Variants in MOK observed in about 807,000 individuals in gnomAD.
MOK encodes the protein MAPK/MAK/MRK overlapping kinase.
A neutral mutation model predicts 54.2 loss-of-function variants in MOK; 59 were observed. That is an observed-to-expected ratio of 1.09 (90% CI 0.88 to 1.35). The LOEUF (loss-of-function observed/expected upper bound fraction) is 1.35. MOK is among the 40% of genes most tolerant of loss of function. The pLI, the probability that MOK is intolerant of heterozygous loss-of-function variation, is 0.00. For synonymous variants in MOK, 210 were observed against 202.7 expected (o/e 1.04, Z -0.31); for missense variants, 517 against 526.2 (o/e 0.98, Z 0.17).
chr14:102,271,764 G>A (rs2068387735), intron 2 of MOK, among the ~76,000 whole-genome samples: 1 of 152,130 alleles, frequency 6.6e-6, no homozygotes, highest in Admixed American at 6.5e-5. Flanking sequence ...TTGCCATGTT[G>A]GCCAGGCTAA....
chr14:102,219,920 G>C (rs2063695797), downstream of MOK, among the ~76,000 whole-genome samples: 3 of 152,242 alleles, frequency 2.0e-5, no homozygotes. Flanking sequence ...GAGTGGGACA[G>C]TGGAGGGCAT....
At chr14:102,299,769 A>C (rs1299352100) in intron 1 of MOK, among the ~76,000 whole-genome samples, 1 of 152,060 alleles carries the variant, frequency 6.6e-6, no homozygotes, top group Non-Finnish European at 1.5e-5. Context: ...AATTTAGTAG[A>C]GACAGAGTCT....
intron 1 of MOK, among the ~76,000 whole-genome samples, chr14:102,292,158 A>G (rs1339337370): frequency 1.3e-5 from 2 of 152,048 alleles, no homozygotes; most frequent in Non-Finnish European, 2.9e-5. Context: ...ATTTTTGTTT[A>G]GAAAATATCA....
intron 1 of MOK, among the ~76,000 whole-genome samples, chr14:102,283,914 G>A (rs1221417532): frequency 6.6e-6 from 1 of 152,170 alleles, no homozygotes; most frequent in African/African-American, 2.4e-5. Context: ...GCAGGGGTGG[G>A]CATGGGCATG....
intron 7 of MOK, among the ~76,000 whole-genome samples, chr14:102,244,863 C>T (rs906837957): frequency 6.6e-5 from 10 of 152,030 alleles, no homozygotes; most frequent in Non-Finnish European, 1.2e-4. Flanking sequence ...ACCTTCATAC[C>T]GCTTACCATC....
At chr14:102,216,206 T>C in the MOK span, among the ~76,000 whole-genome samples, 1 of 152,176 alleles carries the variant, frequency 6.6e-6, no homozygotes, top group African/African-American at 2.4e-5. Flanking sequence ...GTCTGGGCTG[T>C]CAAAGCGGAG....
At chr14:102,214,721 C>G in the MOK span, 1 of 981,098 alleles carries the variant, frequency 1.0e-6, no homozygotes, top group Non-Finnish European at 1.2e-6. Flanking sequence ...ATATTTTCAT[C>G]CAATTTCTTG....
At chr14:102,264,210 C>CAAAAAAAAAAAA (rs66463478) in intron 3 of MOK, 3 of 88,662 alleles carry the variant, frequency 3.4e-5, no homozygotes, top group South Asian at 3.8e-4. Flanking sequence ...GACCCTGTCT[C>CAAAAAAAAAAAA]AAAAAAAAAA....
chr14:102,218,786 G>T, the MOK span, among the ~76,000 whole-genome samples: 2 of 152,234 alleles, frequency 1.3e-5, no homozygotes, highest in Admixed American at 6.5e-5. Flanking sequence ...ACGCCGTGCA[G>T]ATTCTGCCTG....
At chr14:102,274,255 ATTTTT>A (rs11299524) in intron 2 of MOK, among the ~76,000 whole-genome samples, 1 of 119,794 alleles carries the variant, frequency 8.3e-6, no homozygotes, top group Non-Finnish European at 1.8e-5. Context: ...CCGTACCTGC[ATTTTT>A]TTTTTTTTTT....
chr14:102,275,437 G>A (rs541311676), intron 2 of MOK, among the ~76,000 whole-genome samples: 14 of 152,056 alleles, frequency 9.2e-5, no homozygotes, highest in South Asian at 4.1e-4. Context: ...GGTGGTGGGC[G>A]CCTGCGGTCC....
Position 102,249,670 on chromosome 14 carries a change from T to C in MOK, c.590+1142A>G, listed in dbSNP as rs1211746911. 1.3e-5 allele frequency among the ~76,000 whole-genome samples: 2 copies of C among 152,172 alleles called. No homozygotes were observed. Among genetic ancestry groups the C allele is most frequent in the Non-Finnish European group, 2.9e-5 (2 of 68,008 alleles). On this transcript the variant is annotated intron_variant, in intron 7 of 11. Transcript: ENST00000361847. The surrounding 1 kb of genome is among the most constrained non-coding windows in gnomAD (Gnocchi z 5.3). Reference sequence around the variant, plus strand: ...GCTGCGGTGAGCCAAGATCGCACCATTGCACTCCAGCCTAGGCAACAAGAG... The same window carrying C: ...GCTGCGGTGAGCCAAGATCGCACCACTGCACTCCAGCCTAGGCAACAAGAG...
At chr14:102,253,311 G>A (rs745409664) in intron 4 of MOK, among the ~76,000 whole-genome samples, 5 of 152,220 alleles carry the variant, frequency 3.3e-5, no homozygotes, top group Non-Finnish European at 7.3e-5. Context: ...CATTCAGAGC[G>A]CATGTGCTAT....
At chr14:102,220,719 C>CA (rs35097607), downstream of MOK, among the ~76,000 whole-genome samples, 22 of 111,666 alleles carry the variant, frequency 2.0e-4, no homozygotes, top group East Asian at 5.7e-4. This position sits in a 1 kb window ranked among gnomAD's most constrained non-coding sequence, Gnocchi z 4.2. Flanking sequence ...GACTCCGTCT[C>CA]AAAAAAAAAA....
downstream of MOK, among the ~76,000 whole-genome samples, chr14:102,227,474 T>C (rs995620603): frequency 6.6e-6 from 1 of 151,540 alleles, no homozygotes; most frequent in African/African-American, 2.4e-5. Context: ...CTCAGACACC[T>C]CCCCTACAGC....
At chr14:102,214,803 A>G in the MOK span, 2 of 980,172 alleles carry the variant, frequency 2.0e-6, no homozygotes, top group East Asian at 2.3e-4. Flanking sequence ...TTACTGTTGC[A>G]ATAATTAATG....
At position 102,236,041 on chromosome 14, in the gene MOK, A is replaced by T. The variant is rs1376667558; in HGVS notation, c.591-2252T>A. On this transcript the variant is annotated intron_variant, in intron 7 of 11. Transcript: ENST00000361847. The surrounding 1 kb of genome is among the most constrained non-coding windows in gnomAD (Gnocchi z 4.5). ...AAAGAAGGCCACTGGGCATGGGTGTATCCTAACCCTTGAGTGCCAAAGAGT... is the reference window on the plus strand; with the variant it reads ...AAAGAAGGCCACTGGGCATGGGTGTTTCCTAACCCTTGAGTGCCAAAGAGT... 6.6e-6 allele frequency among the ~76,000 whole-genome samples: 1 copy of T among 152,188 alleles called. No homozygotes were observed. Among genetic ancestry groups the T allele is most frequent in the African/African-American group, 2.4e-5 (1 of 41,444 alleles).
chr14:102,223,900 C>T (rs2064140956), downstream of MOK, among the ~76,000 whole-genome samples: 1 of 152,204 alleles, frequency 6.6e-6, no homozygotes, highest in East Asian at 1.9e-4. Context: ...CACGTCTGCA[C>T]AGGGCTTCAG....
chr14:102,284,208 G>A (rs777896145), intron 1 of MOK, among the ~76,000 whole-genome samples: 17 of 151,908 alleles, frequency 1.1e-4, no homozygotes, highest in Non-Finnish European at 2.5e-4. Flanking sequence ...AACCCTGACT[G>A]ACAACAAATG....
Sources: gnomAD v4.1 joint callset for allele counts (sites outside exome capture counted in the v4.1 genomes callset) on GRCh38, gnomAD v4.1.1 for gene constraint, Gnocchi (gnomAD v3.1) non-coding constraint, MANE v1.5 for transcripts, NCBI Gene and HGNC (gene_info 2026-07-23, HGNC 2026-07-21) for gene names.